Variants in FRYL observed in about 807,000 individuals in gnomAD.
FRYL encodes protein furry homolog-like.
In FRYL, 150 loss-of-function variants were observed where a neutral mutation model predicts 351.2. The ratio of observed to expected loss-of-function variants is 0.43; its 90% CI spans 0.37 to 0.49. The LOEUF (loss-of-function observed/expected upper bound fraction) is 0.49, where lower values mean the gene tolerates loss of function less well. Among genes scored for constraint, FRYL ranks in the 20% least tolerant of loss-of-function variants. The probability of loss-of-function intolerance (pLI) is 0.00; values close to 1 mark genes in which losing one functional copy is unlikely to be tolerated. For missense variants in FRYL, 3,036 were observed against 3,619.3 expected (o/e 0.84, Z 4.13); for synonymous variants, 1,153 against 1,257.1 (o/e 0.92, Z 1.75).
chr4:48,558,232 C>T (rs906807968), intron 33 of FRYL, among the ~76,000 whole-genome samples: 51 of 152,104 alleles, frequency 3.4e-4, no homozygotes, highest in Non-Finnish European at 7.4e-5. Flanking sequence ...ATTATGCACC[C>T]TTAAAAAAGG....
chr4:48,767,973 A>T lies in FRYL; in HGVS notation c.-384+12105T>A, dbSNP rs115494809. On this transcript the variant is annotated intron_variant, in intron 1 of 63. Transcript: ENST00000358350. ...GTAACCTCTGATTGATTTGGAGTCA[A>T]ATGTGGCAGTCCACCCTAAAACTGC... Among the ~76,000 whole-genome samples, 238 of 152,320 alleles carry T rather than the reference A, an allele frequency of 1.6e-3. 1 individual carries two copies. The highest frequency in any genetic ancestry group is 5.5e-3 in the African/African-American group (230 of 41,566).
At position 48,561,605 on chromosome 4, in the gene FRYL, T is replaced by G. The variant is rs1486484247; in HGVS notation, c.3728A>C (p.His1243Pro). The change falls in exon 33 of 64, where the codon CAC becomes CCC. Residue 1243 changes from histidine (H) to proline (P), a missense_variant. Transcript: ENST00000358350. Reference sequence around the variant, plus strand: ...ATCTGTTCTCTGAACCTCCAATTTGTGAGCATAGCGAAACATCTTCGGTTC... The same window carrying G: ...ATCTGTTCTCTGAACCTCCAATTTGGGAGCATAGCGAAACATCTTCGGTTC... Reference protein sequence around the residue: ...ILEPKMFRYAHKLEVQRTDGV... With the variant: ...ILEPKMFRYAPKLEVQRTDGV... The G allele has an allele frequency of 6.2e-7, 1 of 1,611,474 alleles. No homozygotes were observed. Among genetic ancestry groups the G allele is most frequent in the African/African-American group, 1.3e-5 (1 of 75,030 alleles).
Position 48,550,662 on chromosome 4 carries a change from C to G in FRYL, c.4563G>C (p.Leu1521Phe), listed in dbSNP as rs758283287. The part of the protein sequence containing the change: ...LDIYSGLNSH[L>F]NRQHHRLESR... ...ATTCTAGTCTGTGATGTTGCCGATTCAAATGACTGTTTAGTCCACTGTAAA... is the reference window on the plus strand; with the variant it reads ...ATTCTAGTCTGTGATGTTGCCGATTGAAATGACTGTTTAGTCCACTGTAAA... Residue 1521 changes from leucine to phenylalanine, a missense_variant, in exon 38 of 64, where the codon TTG (leucine) becomes TTC (phenylalanine). Coordinates refer to ENST00000358350, the MANE Select transcript of FRYL (RefSeq NM_015030.2). The G allele has an allele frequency of 6.2e-7, 1 of 1,614,076 alleles. No homozygotes were observed. Among genetic ancestry groups the G allele is most frequent in the African/African-American group, 1.3e-5 (1 of 75,062 alleles).
chr4:48,768,619 A>G (rs1775200649), intron 1 of FRYL, among the ~76,000 whole-genome samples: 1 of 152,002 alleles, frequency 6.6e-6, no homozygotes, highest in African/African-American at 2.4e-5. Flanking sequence ...CCTGACCAAC[A>G]TGGTGAAACC....
intron 1 of FRYL, among the ~76,000 whole-genome samples, chr4:48,716,555 GC>G (rs1211350558): frequency 2.6e-5 from 4 of 151,282 alleles, no homozygotes; most frequent in South Asian, 4.2e-4. Flanking sequence ...TCAGAGAAAT[GC>G]AAAAACCACA....
intron 3 of FRYL, among the ~76,000 whole-genome samples, chr4:48,655,586 TCAAA>T (rs1051143803): frequency 5.3e-5 from 8 of 150,290 alleles, no homozygotes; most frequent in East Asian, 1.9e-4. Context: ...CCTCTTTTCA[TCAAA>T]CAGTTGTTAA....
rs150394337 is a variant in FRYL at position 48,541,711 on chromosome 4, G to A, written c.5687+316C>T. Among the ~76,000 whole-genome samples the A allele has an allele frequency of 7.2e-5, 11 of 152,272 alleles. No homozygotes were observed. In the East Asian group the frequency reaches 2.1e-3, roughly 29 times the overall value. ...CTGCTGCAGGGAGAAGGAACAATAT[G>A]TGAAAGGTGGGAGAGCCTTAAGGCT... On this transcript the variant is annotated intron_variant, in intron 45 of 63. Transcript: ENST00000358350.
chr4:48,585,887 T>C (rs1741995772), intron 19 of FRYL, among the ~76,000 whole-genome samples: 1 of 152,228 alleles, frequency 6.6e-6, no homozygotes, highest in Admixed American at 6.5e-5. Context: ...TATTGTAAAC[T>C]ATAGTCACTC....
chr4:48,679,346 G>T (rs981013357), intron 3 of FRYL, among the ~76,000 whole-genome samples: 2 of 152,024 alleles, frequency 1.3e-5, no homozygotes, highest in African/African-American at 2.4e-5. Flanking sequence ...TTTTTAAAAA[G>T]AAAGTATGGT....
At chr4:48,657,444 C>T (rs1322440068) in intron 3 of FRYL, among the ~76,000 whole-genome samples, 1 of 148,694 alleles carries the variant, frequency 6.7e-6, no homozygotes, top group Non-Finnish European at 1.5e-5. Context: ...AACGATACTG[C>T]TATCAATCTT....
intron 3 of FRYL, 111 bp downstream of exon 3, chr4:48,684,562 G>A (rs952630503): frequency 6.6e-6 from 1 of 152,198 alleles, no homozygotes; most frequent in Non-Finnish European, 1.5e-5. Flanking sequence ...TGGTATAATA[G>A]TTATAGGATC....
chr4:48,573,346 A>T (rs1336799848), intron 25 of FRYL, 103 bp from the exon 26 acceptor site: 1 of 737,440 alleles, frequency 1.4e-6, no homozygotes, highest in Non-Finnish European at 2.3e-6. Flanking sequence ...GTTAATTCCA[A>T]TCCTACTGTT....
At chr4:48,712,078 C>G (rs550814776) in intron 1 of FRYL, among the ~76,000 whole-genome samples, 2 of 152,216 alleles carry the variant, frequency 1.3e-5, no homozygotes, top group South Asian at 2.1e-4. Context: ...GCATCACCAT[C>G]ATCAAAGACC....
chr4:48,673,944 G>A (rs1186028577), intron 3 of FRYL, among the ~76,000 whole-genome samples: 1 of 152,178 alleles, frequency 6.6e-6, no homozygotes, highest in Non-Finnish European at 1.5e-5. Flanking sequence ...TGGTAAAACA[G>A]AACAAGTTAA....
At chr4:48,595,873 G>T in intron 14 of FRYL, 24 bp downstream of exon 14, 1 of 1,401,340 alleles carries the variant, frequency 7.1e-7, no homozygotes, top group Non-Finnish European at 9.9e-7. Context: ...TATTTTTAAT[G>T]CACTTTAAAG....
At chr4:48,581,116 G>A (rs1740798299) in intron 21 of FRYL, among the ~76,000 whole-genome samples, 165 bp from the exon 22 acceptor site, 1 of 151,360 alleles carries the variant, frequency 6.6e-6, no homozygotes, top group South Asian at 2.1e-4. Context: ...CGCCATCTCG[G>A]CTCACTGCAA....
intron 54 of FRYL, 83 bp downstream of exon 54, chr4:48,522,817 AT>A: frequency 1.0e-6 from 1 of 996,814 alleles, no homozygotes; most frequent in Non-Finnish European, 1.6e-6. Flanking sequence ...CATTTCACCC[AT>A]GCACAAGAAA....
At chr4:48,707,358 GATACATCCTGAA>G (rs1767482577) in intron 2 of FRYL, among the ~76,000 whole-genome samples, 1 of 152,046 alleles carries the variant, frequency 6.6e-6, no homozygotes. Context: ...AGGTCTTAAG[GATACATCCTGAA>G]ATACTTATAA....
chr4:48,588,571 T>C (rs896719477), intron 18 of FRYL, among the ~76,000 whole-genome samples: 1 of 152,214 alleles, frequency 6.6e-6, no homozygotes, highest in Non-Finnish European at 1.5e-5. Flanking sequence ...AGGCACAGCA[T>C]GATCTCCTGA....
Sources: allele counts gnomAD v4.1 joint callset (sites outside exome capture counted in the v4.1 genomes callset), GRCh38; gene constraint gnomAD v4.1.1; transcripts MANE v1.5; gene names NCBI Gene and HGNC (gene_info 2026-07-23, HGNC 2026-07-21).